Variants in SLC38A6 observed in about 807,000 individuals in gnomAD.
SLC38A6 encodes solute carrier family 38 member 6.
A neutral mutation model predicts 65.0 loss-of-function variants in SLC38A6; 73 were observed. That is an observed-to-expected ratio of 1.12 (90% CI 0.93 to 1.37). The LOEUF is 1.37. SLC38A6 is among the 40% of genes most tolerant of loss of function. The pLI is 0.00. For missense variants in SLC38A6, 561 were observed against 531.1 expected (o/e 1.06, Z -0.55); for synonymous variants, 183 against 178.8 (o/e 1.02, Z -0.19).
rs188116010 is a variant in SLC38A6, at chr14:61,012,982, G to C, written c.311-2922G>C. Reference sequence around the variant, plus strand: ...TGGATCTGTCTAATGTTAACAGTGGGGTGTTAAAGTCTCCCATTATTATTG... The same window carrying C: ...TGGATCTGTCTAATGTTAACAGTGGCGTGTTAAAGTCTCCCATTATTATTG... On this transcript the variant is annotated intron_variant, in intron 3 of 15. Transcript: ENST00000267488. Among the ~76,000 whole-genome samples, 507 of 152,154 alleles carry C rather than the reference G, an allele frequency of 3.3e-3. 3 individuals carry two copies. The highest frequency in any genetic ancestry group is 7.1e-3 in the Admixed American group (108 of 15,294).
chr14:61,046,580 A>C (rs1372265133), intron 12 of SLC38A6, among the ~76,000 whole-genome samples: 2 of 152,214 alleles, frequency 1.3e-5, no homozygotes, highest in East Asian at 3.8e-4. Context: ...AGGGTTTTAC[A>C]CAGAACTATA....
At chr14:61,069,952 C>T (rs1467626117) in intron 15 of SLC38A6, among the ~76,000 whole-genome samples, 4 of 152,126 alleles carry the variant, frequency 2.6e-5, no homozygotes, top group South Asian at 2.1e-4. Flanking sequence ...GGAGAATACA[C>T]GGATATACAC....
At chr14:61,016,666 A>G (rs945555966) in intron 4 of SLC38A6, among the ~76,000 whole-genome samples, 2 of 152,176 alleles carry the variant, frequency 1.3e-5, no homozygotes, top group South Asian at 2.1e-4. Flanking sequence ...GCTATAGTAT[A>G]TATATTTTTT....
chr14:61,039,150 TTTTGTTTCTGTC>T (rs2041612667), intron 8 of SLC38A6, among the ~76,000 whole-genome samples: 1 of 152,186 alleles, frequency 6.6e-6, no homozygotes. Context: ...TCTACTGTAG[TTTTGTTTCTGTC>T]ATGACAGATA....
intron 3 of SLC38A6, among the ~76,000 whole-genome samples, chr14:60,994,094 C>T (rs1040026670): frequency 3.3e-5 from 5 of 152,126 alleles, no homozygotes; most frequent in Non-Finnish European, 5.9e-5. Context: ...GGTATTTACC[C>T]AAATGAGTTC....
At chr14:61,073,436 G>A (rs1009896244) in intron 15 of SLC38A6, among the ~76,000 whole-genome samples, 3 of 152,056 alleles carry the variant, frequency 2.0e-5, no homozygotes, top group Non-Finnish European at 4.4e-5. Flanking sequence ...AAATTTCAAC[G>A]TGAGTTTTGG....
At chr14:61,052,652 T>C (rs2139873568), downstream of SLC38A6, 1 of 408,514 alleles carries the variant, frequency 2.4e-6, no homozygotes. Flanking sequence ...GATCTTTTGT[T>C]TTTTAAATTA....
intron 8 of SLC38A6, 37 bp downstream of exon 8, chr14:61,037,720 C>T: frequency 7.4e-7 from 1 of 1,359,316 alleles, no homozygotes; most frequent in South Asian, 1.3e-5. Context: ...TATCTCCTCA[C>T]TAAAATTGGA....
In SLC38A6 at chr14:60,991,443, G is replaced by T. The variant is rs140229649; in HGVS notation, c.310+6640G>T. Among the ~76,000 whole-genome samples the T allele has an allele frequency of 3.7e-3, 564 of 152,130 alleles. 5 individuals carry two copies. The highest frequency in any genetic ancestry group is 0.012 in the African/African-American group (517 of 41,482). On this transcript the variant is annotated intron_variant, in intron 3 of 15. Coordinates refer to ENST00000267488, the MANE Select transcript of SLC38A6 (RefSeq NM_153811.3). ...TATTATTTCCATTTTTTGAAATGAG[G>T]TAACTGTGGCACAGAGAGGTTAAAG...
rs552871651 is a variant in SLC38A6 at position 61,022,546 on chromosome 14, TTTGA to T, written c.403+2969_403+2972del. Among the ~76,000 whole-genome samples the T allele has an allele frequency of 1.6e-3, 241 of 151,262 alleles. 1 individual carries two copies. The highest frequency in any genetic ancestry group is 5.6e-3 in the African/African-American group (232 of 41,284). On this transcript the variant is annotated intron_variant, in intron 5 of 15. Transcript: ENST00000267488. ...CCAATGTTACTTCATTAAAATGGATTTTGATTATTTTCTTTATTAATTGGAAATA... is the reference window on the plus strand; with the variant it reads ...CCAATGTTACTTCATTAAAATGGATTTTATTTTCTTTATTAATTGGAAATA...
chr14:61,027,060 C>A (rs7152640), intron 5 of SLC38A6, among the ~76,000 whole-genome samples: 67,234 of 151,896 alleles, frequency 0.44, 18,437 homozygotes, highest in Non-Finnish European at 0.6. Flanking sequence ...AGATTTTACC[C>A]CATTTTAGTC....
chr14:60,988,724 A>G (rs771468563), intron 3 of SLC38A6, among the ~76,000 whole-genome samples: 1 of 152,094 alleles, frequency 6.6e-6, no homozygotes. Context: ...CTGACCCCCC[A>G]CACTCATTCT....
At chr14:60,992,955 T>G (rs1041578502) in intron 3 of SLC38A6, among the ~76,000 whole-genome samples, 51 of 152,126 alleles carry the variant, frequency 3.4e-4, no homozygotes, top group African/African-American at 1.1e-3. Flanking sequence ...CAAGTGATTC[T>G]CCTGCCTCAG....
At chr14:61,039,268 G>A (rs916702199) in intron 8 of SLC38A6, among the ~76,000 whole-genome samples, 27 of 152,206 alleles carry the variant, frequency 1.8e-4, no homozygotes, top group Admixed American at 1.3e-4. Flanking sequence ...CATCTGCTCA[G>A]ATTTTTACCT....
chr14:61,068,727 G>C (rs1345509400), intron 15 of SLC38A6, among the ~76,000 whole-genome samples: 1 of 152,158 alleles, frequency 6.6e-6, no homozygotes, highest in Non-Finnish European at 1.5e-5. Flanking sequence ...TTGTTTATGT[G>C]TTGTCTGTGT....
At position 60,981,321 on chromosome 14, in the gene SLC38A6, A is replaced by C; in HGVS notation, c.44A>C (p.Tyr15Ser). ...AGCTTCAACGCTGAGCGGGGCTGGT[A>C]TGTCTCTGTCCAGCAGCCTGAAGAA... ...WGSFNAERGW[Y>S]VSVQQPEEAE... The change falls in exon 1 of 16, where the codon TAT (tyrosine) becomes TCT (serine). Residue 15 changes from tyrosine (Y) to serine (S), a missense_variant. Coordinates refer to ENST00000267488, the MANE Select transcript of SLC38A6 (RefSeq NM_153811.3). 6.2e-7 allele frequency: 1 copy of C among 1,610,972 alleles called. No individual in the cohort carries two copies. Among genetic ancestry groups the C allele is most frequent in the East Asian group, 2.2e-5 (1 of 44,812 alleles).
intron 15 of SLC38A6, among the ~76,000 whole-genome samples, chr14:61,064,308 G>T (rs942698485): frequency 4.6e-5 from 7 of 152,212 alleles, no homozygotes; most frequent in Non-Finnish European, 7.4e-5. Flanking sequence ...ACAGATAGGT[G>T]TGCAGCTACT....
intron 3 of SLC38A6, among the ~76,000 whole-genome samples, chr14:61,012,257 A>G (rs566012268): frequency 6.6e-5 from 10 of 152,010 alleles, no homozygotes; most frequent in Middle Eastern, 3.4e-3. Context: ...TATTGCATCT[A>G]TTTGATTCTT....
chr14:60,992,103 T>C (rs555164616), intron 3 of SLC38A6, among the ~76,000 whole-genome samples: 12 of 152,332 alleles, frequency 7.9e-5, no homozygotes, highest in Admixed American at 7.8e-4. Context: ...CAGGGTTCCA[T>C]CTTTATCCGT....
Sources: allele counts gnomAD v4.1 joint callset (sites outside exome capture counted in the v4.1 genomes callset), GRCh38; gene constraint gnomAD v4.1.1; transcripts MANE v1.5; gene names NCBI Gene and HGNC (gene_info 2026-07-23, HGNC 2026-07-21).